The following CDT1 variants were observed in gnomAD, a reference collection of about 807,000 sequenced individuals.
The protein encoded by CDT1 is chromatin licensing and DNA replication factor 1, also known as DNA replication factor Cdt1.
In CDT1, 66 loss-of-function variants were observed where a neutral mutation model predicts 49.3. The ratio of observed to expected loss-of-function variants is 1.34; its 90% CI spans 1.10 to 1.64. CDT1 has a LOEUF of 1.64. Ranked by LOEUF, CDT1 falls within the 40% of genes most tolerant of loss-of-function variation. The probability of loss-of-function intolerance (pLI) is 0.00; values close to 1 mark genes in which losing one functional copy is unlikely to be tolerated. For missense variants in CDT1, 958 were observed against 807.7 expected, an observed-to-expected ratio of 1.19 and a Z score of -2.26; for synonymous variants, 424 against 347.4, an observed-to-expected ratio of 1.22 and a Z score of -2.45.
At chr16:88,806,426 C>T (rs1365927010) in intron 6 of CDT1, 60 bp from the exon 7 acceptor site, 24 of 1,572,688 alleles carry the variant, frequency 1.5e-5, no homozygotes, top group East Asian at 2.3e-5. Flanking sequence ...GCCTACCTCA[C>T]ATGCAGTCTG....
intron 1 of CDT1, among the ~76,000 whole-genome samples, 176 bp from the exon 2 acceptor site, chr16:88,804,369 G>A (rs940177338): frequency 6.6e-6 from 1 of 152,092 alleles, no homozygotes. Context: ...CCCGGAAGAC[G>A]AGAGCAAGGC....
chr16:88,805,381 T>A, intron 3 of CDT1, 59 bp from the exon 4 acceptor site: 1 of 1,596,910 alleles, frequency 6.3e-7, no homozygotes, highest in Non-Finnish European at 8.6e-7. Flanking sequence ...AGGGGCCTGC[T>A]GTGGCGTTGG....
intron 8 of CDT1, 30 bp downstream of exon 8, chr16:88,807,233 C>A: frequency 6.2e-7 from 1 of 1,610,554 alleles, no homozygotes; most frequent in Non-Finnish European, 8.5e-7. Context: ...GGCGGGTGGG[C>A]GCCTGGTGAC....
rs1247729147 is a variant in CDT1 at position 88,804,687 on chromosome 16, G to A, written c.351+20G>A. ...GACCAGGTGAGGGGCGGGGCCTGGGGCAGATGCGGGAGGGCTGAGTGGTGC... is the reference window on the plus strand; with the variant it reads ...GACCAGGTGAGGGGCGGGGCCTGGGACAGATGCGGGAGGGCTGAGTGGTGC... On this transcript the variant is annotated intron_variant, in intron 2 of 9. Transcript: ENST00000301019. 1 of 1,612,174 alleles carries A rather than the reference G, an allele frequency of 6.2e-7. No individual in the cohort carries two copies. Among genetic ancestry groups the A allele is most frequent in the African/African-American group, 1.3e-5 (1 of 74,932 alleles).
Position 88,806,626 on chromosome 16 carries a change from C to G in CDT1, c.1074C>G (p.Thr358=), listed in dbSNP as rs374214067. Residue 358 remains threonine, a synonymous_variant, in exon 7 of 10, where the codon ACC becomes ACG. Coordinates refer to ENST00000301019, the MANE Select transcript of CDT1 (RefSeq NM_030928.4). The part of the protein sequence containing the change: ...LPQPPATEKL[T]TAQEVLARAR... ...AGCCACCCGCCACGGAGAAGCTCAC[C>G]ACTGCTCAGGAGGTGCTGGCCCGGG... 3 of 1,611,572 alleles carry G rather than the reference C, an allele frequency of 1.9e-6. No individual in the cohort carries two copies. The highest frequency in any genetic ancestry group is 2.7e-5 in the African/African-American group (2 of 74,918).
At chr16:88,807,028 A>T in intron 7 of CDT1, 23 bp from the exon 8 acceptor site, 1 of 1,612,734 alleles carries the variant, frequency 6.2e-7, no homozygotes, top group Non-Finnish European at 8.5e-7. Flanking sequence ...TGACCTCTCC[A>T]GTCCAACCTG....
rs2142947890 is a variant in CDT1 at position 88,808,340 on chromosome 16, A to G, written c.*62A>G. The G allele has an allele frequency of 6.6e-7, 1 of 1,513,372 alleles. No individual in the cohort carries two copies. Among genetic ancestry groups the G allele is most frequent in the Non-Finnish European group, 8.9e-7 (1 of 1,123,686 alleles). The allele number at this position is 1,513,372 out of a possible 1,614,324, so 93.7% of individuals were successfully genotyped here. Reference sequence around the variant, plus strand: ...AGCTCGCTGGCCTGGGCCCACCAGCATTTTCTTTTATGAACATGATACACT... The same window carrying G: ...AGCTCGCTGGCCTGGGCCCACCAGCGTTTTCTTTTATGAACATGATACACT... On this transcript the variant is annotated 3_prime_UTR_variant, in exon 10 of 10. Coordinates refer to ENST00000301019, the MANE Select transcript of CDT1 (RefSeq NM_030928.4).
chr16:88,807,348 T>TG lies in CDT1; in HGVS notation c.1344dup (p.Gln449AlafsTer8). On this transcript the variant is annotated frameshift_variant, in exon 9 of 10. Transcript: ENST00000301019. LOFTEE classifies it high-confidence loss of function. Reference sequence around the variant, plus strand: ...CGGTGCCCGGAGCAGGAGCAGCGGCTGCAGCGCTTAGAACGGCTGCCTGAG... The same window carrying TG: ...CGGTGCCCGGAGCAGGAGCAGCGGCTGGCAGCGCTTAGAACGGCTGCCTGAG... The TG allele has an allele frequency of 5.6e-6, 9 of 1,612,662 alleles. No individual in the cohort carries two copies. Among genetic ancestry groups the TG allele is most frequent in the Non-Finnish European group, 7.6e-6 (9 of 1,179,924 alleles).
chr16:88,806,644 G>C lies in CDT1; in HGVS notation c.1092G>C (p.Leu364=). Residue 364 remains leucine, a synonymous_variant, in exon 7 of 10, where the codon CTG becomes CTC. Transcript: ENST00000301019. ...TEKLTTAQEV[L]ARARNLISPR... is the part of the protein sequence containing the mutation. ...AGCTCACCACTGCTCAGGAGGTGCTGGCCCGGGCCCGCAACCTGATTTCAC... is the reference window on the plus strand; with the variant it reads ...AGCTCACCACTGCTCAGGAGGTGCTCGCCCGGGCCCGCAACCTGATTTCAC... 1 of 1,610,600 alleles carries C rather than the reference G, an allele frequency of 6.2e-7. No individual in the cohort carries two copies.
At position 88,804,597 on chromosome 16, in the gene CDT1, C is replaced by T. The variant is rs780790780; in HGVS notation, c.281C>T (p.Pro94Leu). The T allele has an allele frequency of 6.2e-7, 1 of 1,613,030 alleles. No homozygotes were observed. The highest frequency in any genetic ancestry group is 2.2e-5 in the East Asian group (1 of 44,884). Residue 94 changes from proline to leucine, a missense_variant, in exon 2 of 10, where the codon CCG (proline) becomes CTG (leucine). Coordinates refer to ENST00000301019, the MANE Select transcript of CDT1 (RefSeq NM_030928.4). ...EAPDIPACPS[P>L]GQKIKKSTPA... ...CCAGACATCCCAGCCTGCCCTTCTCCGGGCCAGAAGATAAAGAAATCCACC... is the reference window on the plus strand; with the variant it reads ...CCAGACATCCCAGCCTGCCCTTCTCTGGGCCAGAAGATAAAGAAATCCACC...
At chr16:88,807,543 T>TC in intron 9 of CDT1, 61 bp downstream of exon 9, 1 of 1,466,074 alleles carries the variant, frequency 6.8e-7, no homozygotes. Flanking sequence ...TGCAGCTGCC[T>TC]CCCCAGCTTT....
rs1908784301 is a variant in CDT1 at position 88,804,756 on chromosome 16, CT to C, written c.352-5del. The C allele has an allele frequency of 1.2e-6, 2 of 1,612,862 alleles. No individual in the cohort carries two copies. The highest frequency in any genetic ancestry group is 1.7e-6 in the Non-Finnish European group (2 of 1,179,890). On this transcript the variant is annotated splice_region_variant and splice_polypyrimidine_tract_variant and intron_variant, in intron 2 of 9. Transcript: ENST00000301019. Reference sequence around the variant, plus strand: ...GACGGCACCGTGTCCCCTGATCCCCCTGAAGGACACCATCTCTGAGCTTGCG... The same window carrying C: ...GACGGCACCGTGTCCCCTGATCCCCCGAAGGACACCATCTCTGAGCTTGCG...
chr16:88,806,038 C>T lies in CDT1; in HGVS notation c.850C>T (p.Pro284Ser), dbSNP rs777208715. 5.6e-6 allele frequency: 9 copies of T among 1,593,084 alleles called. No individual in the cohort carries two copies. The highest frequency in any genetic ancestry group is 1.7e-5 in the Admixed American group (1 of 57,796). Residue 284 changes from proline to serine, a missense_variant, in exon 6 of 10, where the codon CCC becomes TCC. Physicochemically the swap from Pro to Ser is moderately conservative, Grantham distance 74. Transcript: ENST00000301019. Reference sequence around the variant, plus strand: ...TCCCACAGAGGCTGACGGAGCAGCCCCCCAGCTCACGGCCTCGCGCCTCCT... The same window carrying T: ...TCCCACAGAGGCTGACGGAGCAGCCTCCCAGCTCACGGCCTCGCGCCTCCT... ...LLEQEADGAA[P>S]QLTASRLLQR...
intron 6 of CDT1, 95 bp downstream of exon 6, chr16:88,806,216 T>A (rs1382177421): frequency 1.6e-6 from 2 of 1,214,086 alleles, no homozygotes; most frequent in East Asian, 5.1e-5. Context: ...CACTCACAGC[T>A]TCTCCCGGGA....
chr16:88,805,736 G>T lies in CDT1; in HGVS notation c.699G>T (p.Glu233Asp), dbSNP rs775598586. 1 of 1,612,894 alleles carries T rather than the reference G, an allele frequency of 6.2e-7. No individual in the cohort carries two copies. Among genetic ancestry groups the T allele is most frequent in the African/African-American group, 1.3e-5 (1 of 74,940 alleles). The change falls in exon 5 of 10, where the codon GAG becomes GAT. Residue 233 changes from glutamate (E) to aspartate (D), a missense_variant. Physicochemically the swap from Glu to Asp is conservative, Grantham distance 45 (BLOSUM62 2). Transcript: ENST00000301019. ...CATCCTCCCATAGGCGTTTTGAGGAGTGCAATGTTGGCCAGATCAAAACCG... is the reference window on the plus strand; with the variant it reads ...CATCCTCCCATAGGCGTTTTGAGGATTGCAATGTTGGCCAGATCAAAACCG... Reference protein sequence around the residue: ...VQDMMRRRFEECNVGQIKTVY... With the variant: ...VQDMMRRRFEDCNVGQIKTVY...
In CDT1 at chr16:88,809,221, CCTCCTAAA is replaced by C. The variant is rs1347974191; in HGVS notation, c.*947_*954del. 17 of 348,204 alleles carry C rather than the reference CCTCCTAAA, an allele frequency of 4.9e-5. No individual in the cohort carries two copies. Among genetic ancestry groups the C allele is most frequent in the Non-Finnish European group, 9.1e-5 (16 of 176,066 alleles). The allele number at this position is 348,204 out of a possible 1,614,324, so 21.6% of individuals were successfully genotyped here. ...CACACCTTGACTTCAGTATTTCTGACCTCCTAAACTCTAATAAAGTCATGCTTACAGCC... is the reference window on the plus strand; with the variant it reads ...CACACCTTGACTTCAGTATTTCTGACCTCTAATAAAGTCATGCTTACAGCC... On this transcript the variant is annotated 3_prime_UTR_variant, in exon 10 of 10. Coordinates refer to ENST00000301019, the MANE Select transcript of CDT1 (RefSeq NM_030928.4).
At position 88,806,056 on chromosome 16, in the gene CDT1, C is replaced by T. The variant is rs200820843; in HGVS notation, c.868C>T (p.Arg290Cys). 40 of 1,598,940 alleles carry T rather than the reference C, an allele frequency of 2.5e-5. No individual in the cohort carries two copies. The Middle Eastern group carries it at 5.0e-4, about 20-fold the overall frequency. The part of the protein sequence containing the change: ...DGAAPQLTAS[R>C]LLQRRQIFSQ... ...AGCAGCCCCCCAGCTCACGGCCTCGCGCCTCCTGCAGCGACGGCAGATCTT... is the reference window on the plus strand; with the variant it reads ...AGCAGCCCCCCAGCTCACGGCCTCGTGCCTCCTGCAGCGACGGCAGATCTT... Residue 290 changes from arginine (R) to cysteine (C), a missense_variant, in exon 6 of 10, where the codon CGC (arginine) becomes TGC (cysteine). By Grantham distance (180) the Arg-to-Cys change is radical. Coordinates refer to ENST00000301019, the MANE Select transcript of CDT1 (RefSeq NM_030928.4).
At chr16:88,807,778 T>C (rs1191964902) in intron 9 of CDT1, among the ~76,000 whole-genome samples, 2 of 151,968 alleles carry the variant, frequency 1.3e-5, no homozygotes, top group East Asian at 3.9e-4. Context: ...ACATGCACCC[T>C]CCACTGCCTC....
At position 88,804,562 on chromosome 16, in the gene CDT1, C is replaced by T. The variant is rs1427557953; in HGVS notation, c.246C>T (p.Thr82=). 5.0e-6 allele frequency: 8 copies of T among 1,612,562 alleles called. No homozygotes were observed. The highest frequency in any genetic ancestry group is 6.8e-6 in the Non-Finnish European group (8 of 1,179,680). The change falls in exon 2 of 10, where the codon ACC becomes ACT. Residue 82 remains threonine, a synonymous_variant. Coordinates refer to ENST00000301019, the MANE Select transcript of CDT1 (RefSeq NM_030928.4). ...LSVDEVSSPS[T]PEAPDIPACP... ...CCCACCAGGTTTCCAGCCCCAGTAC[C>T]CCCGAGGCCCCAGACATCCCAGCCT...
Sources: gnomAD v4.1 joint callset for allele counts (sites outside exome capture counted in the v4.1 genomes callset) on GRCh38, gnomAD v4.1.1 for gene constraint, MANE v1.5 for transcripts, NCBI Gene and HGNC (gene_info 2026-07-23, HGNC 2026-07-21) for gene names.